The following TRIM2 variants were observed in gnomAD, a reference collection of about 807,000 sequenced individuals.
TRIM2 encodes the protein tripartite motif-containing protein 2.
A neutral mutation model predicts 75.2 loss-of-function variants in TRIM2; 20 were observed. The ratio of observed to expected loss-of-function variants is 0.27; its 90% CI spans 0.19 to 0.39. The LOEUF (loss-of-function observed/expected upper bound fraction) is 0.39, where lower values mean the gene tolerates loss of function less well. Ranked by LOEUF, TRIM2 falls within the 10% of genes least tolerant of loss-of-function variation. The pLI is 1.00. For missense variants in TRIM2, 660 were observed against 990.8 expected, an observed-to-expected ratio of 0.67 and a Z score of 4.48; for synonymous variants, 373 against 388.3, an observed-to-expected ratio of 0.96 and a Z score of 0.46.
At chr4:153,260,642 G>A (rs1275764282) in intron 1 of TRIM2, among the ~76,000 whole-genome samples, 2 of 147,696 alleles carry the variant, frequency 1.4e-5, no homozygotes, top group African/African-American at 2.5e-5. Flanking sequence ...AAAGGGGATG[G>A]CTTCTGAATG....
chr4:153,174,565 C>A (rs1393294620), intron 1 of TRIM2, among the ~76,000 whole-genome samples: 2 of 152,206 alleles, frequency 1.3e-5, no homozygotes, highest in Non-Finnish European at 2.9e-5. Context: ...GGCCAACCTG[C>A]CAGCACCAGG....
At chr4:153,189,394 T>C (rs1164350006) in intron 1 of TRIM2, among the ~76,000 whole-genome samples, 3 of 152,206 alleles carry the variant, frequency 2.0e-5, no homozygotes, top group African/African-American at 7.2e-5. Context: ...AGCAAAGTCT[T>C]GGCATGTTCT....
chr4:153,301,732 T>C (rs1763964751), intron 6 of TRIM2, among the ~76,000 whole-genome samples: 1 of 152,220 alleles, frequency 6.6e-6, no homozygotes, highest in Non-Finnish European at 1.5e-5. Flanking sequence ...CCTAGCACCA[T>C]TTATTGAAGA....
intron 1 of TRIM2, among the ~76,000 whole-genome samples, chr4:153,216,580 A>T (rs1400396195): frequency 1.3e-5 from 2 of 152,232 alleles, no homozygotes; most frequent in African/African-American, 4.8e-5. Context: ...TTCTATCCCC[A>T]GAAGTTCTCA....
chr4:153,163,495 C>CTTTTTT (rs70949644), intron 1 of TRIM2, among the ~76,000 whole-genome samples: 7 of 98,680 alleles, frequency 7.1e-5, no homozygotes, highest in South Asian at 6.6e-4. Context: ...AGATTTACAT[C>CTTTTTT]TTTTTTTTTT....
intron 1 of TRIM2, among the ~76,000 whole-genome samples, chr4:153,194,250 C>T (rs979340364): frequency 4.6e-5 from 7 of 152,126 alleles, no homozygotes; most frequent in African/African-American, 1.7e-4. Flanking sequence ...CTTAGATTAT[C>T]AAATATATTC....
chr4:153,207,358 A>C (rs1207365512), intron 1 of TRIM2, among the ~76,000 whole-genome samples: 1 of 152,230 alleles, frequency 6.6e-6, no homozygotes, highest in Non-Finnish European at 1.5e-5. Context: ...AGGGGTTAAG[A>C]GCAAGAGCTT....
rs200269855 is a variant in TRIM2, at chr4:153,172,274, A to G, written c.-49+19004A>G. Among the ~76,000 whole-genome samples, 10 of 151,874 alleles carry G rather than the reference A, an allele frequency of 6.6e-5. No homozygotes were observed. In the South Asian group the frequency reaches 1.0e-3, roughly 16 times the overall value. On this transcript the variant is annotated intron_variant, in intron 1 of 11. Coordinates refer to the TRIM2 transcript ENST00000437508. Reference sequence around the variant, plus strand: ...GCTATCTTGGCTCACTGCAAGCTCCACCTCCTGGGTTCACGCCATTCTCCT... The same window carrying G: ...GCTATCTTGGCTCACTGCAAGCTCCGCCTCCTGGGTTCACGCCATTCTCCT...
At chr4:153,262,586 T>A (rs1041839876) in intron 1 of TRIM2, among the ~76,000 whole-genome samples, 4 of 152,194 alleles carry the variant, frequency 2.6e-5, no homozygotes, top group African/African-American at 9.6e-5. Context: ...AGTGATGTTA[T>A]CTGTAGGAGC....
At chr4:153,213,254 CT>C (rs755491803) in intron 1 of TRIM2, among the ~76,000 whole-genome samples, 4 of 152,176 alleles carry the variant, frequency 2.6e-5, no homozygotes, top group Non-Finnish European at 4.4e-5. Context: ...TTTCCAGAGC[CT>C]GTGTTTTTAA....
At chr4:153,162,022 GC>G (rs1246832463) in intron 1 of TRIM2, among the ~76,000 whole-genome samples, 1 of 152,208 alleles carries the variant, frequency 6.6e-6, no homozygotes, top group Non-Finnish European at 1.5e-5. Context: ...AATTTGGCCA[GC>G]TTACTTTAAG....
chr4:153,190,018 G>A (rs958520090), intron 1 of TRIM2, among the ~76,000 whole-genome samples: 1 of 152,172 alleles, frequency 6.6e-6, no homozygotes, highest in Non-Finnish European at 1.5e-5. Flanking sequence ...TTGGAAGGGA[G>A]AAATGTTTAT....
In TRIM2 at chr4:153,337,735, C is replaced by T; in HGVS notation, c.*2769C>T. ...AATAAGTGGCTTTTTTCTGGGCTACCATTATTGTTTGATTTCTCTTTGTCA... is the reference window on the plus strand; with the variant it reads ...AATAAGTGGCTTTTTTCTGGGCTACTATTATTGTTTGATTTCTCTTTGTCA... On this transcript the variant is annotated 3_prime_UTR_variant, in exon 12 of 12. Transcript: ENST00000338700. The T allele has an allele frequency of 1.0e-6, 1 of 985,704 alleles. No homozygotes were observed. The highest frequency in any genetic ancestry group is 1.7e-5 in the African/African-American group (1 of 57,296). 61.1% of individuals were successfully genotyped at this position (985,704 alleles called of 1,614,324 possible).
In TRIM2 at chr4:153,189,594, G is replaced by A. The variant is rs77453527; in HGVS notation, c.-49+36324G>A. Among the ~76,000 whole-genome samples, 317 of 152,172 alleles carry A rather than the reference G, an allele frequency of 2.1e-3. 1 individual carries two copies. The Middle Eastern group carries it at 0.024, about 11-fold the overall frequency. On this transcript the variant is annotated intron_variant, in intron 1 of 11. Transcript: ENST00000437508. ...CCCTGTCCACTATTCCACCCTACAC[G>A]CCAGCTCGACTGAGGGAGGCCCCTT...
intron 1 of TRIM2, among the ~76,000 whole-genome samples, chr4:153,169,245 T>A (rs1298428886): frequency 6.6e-6 from 1 of 152,234 alleles, no homozygotes; most frequent in Non-Finnish European, 1.5e-5. Flanking sequence ...GTGGAGAGGC[T>A]GTTACTTACG....
At chr4:153,190,606 C>G (rs6823598) in intron 1 of TRIM2, among the ~76,000 whole-genome samples, 8,879 of 152,024 alleles carry the variant, frequency 0.058, 307 homozygotes, top group African/African-American at 0.076. Flanking sequence ...GAAATAGAAA[C>G]AAAACTCAAA....
chr4:153,256,627 T>C (rs981946255), intron 1 of TRIM2, among the ~76,000 whole-genome samples: 1 of 152,236 alleles, frequency 6.6e-6, no homozygotes, highest in Admixed American at 6.5e-5. Context: ...ACATTATTTA[T>C]ACCTTTTACA....
chr4:153,291,052 A>T (rs1051710660), intron 3 of TRIM2, among the ~76,000 whole-genome samples: 156 of 151,702 alleles, frequency 1.0e-3, no homozygotes, highest in Non-Finnish European at 1.8e-3. Flanking sequence ...CAAAAAAAAA[A>T]GTGTCTTTAT....
intron 1 of TRIM2, among the ~76,000 whole-genome samples, chr4:153,176,290 C>T (rs2149625197): frequency 6.6e-6 from 1 of 151,870 alleles, no homozygotes; most frequent in African/African-American, 2.4e-5. Flanking sequence ...CTCATGTCTA[C>T]AAAAAATAAA....
Sources: allele counts gnomAD v4.1 joint callset (sites outside exome capture counted in the v4.1 genomes callset), GRCh38; gene constraint gnomAD v4.1.1; transcripts MANE v1.5; gene names NCBI Gene and HGNC (gene_info 2026-07-23, HGNC 2026-07-21).